Variants in GMPS observed in about 807,000 individuals in gnomAD.
GMPS encodes the protein guanosine monophosphate synthase.
A neutral mutation model predicts 77.9 loss-of-function variants in GMPS; 15 were observed. The ratio of observed to expected loss-of-function variants is 0.19; its 90% CI spans 0.13 to 0.30. GMPS has a LOEUF of 0.30. Ranked by LOEUF, GMPS falls within the 10% of genes least tolerant of loss-of-function variation. GMPS has a pLI of 1.00. For missense variants in GMPS, 590 were observed against 838.8 expected, an observed-to-expected ratio of 0.70 and a Z score of 3.66; for synonymous variants, 224 against 275.9, an observed-to-expected ratio of 0.81 and a Z score of 1.86.
chr3:155,916,666 C>T (rs1028505168), intron 9 of GMPS, among the ~76,000 whole-genome samples: 5 of 152,150 alleles, frequency 3.3e-5, no homozygotes, highest in Non-Finnish European at 7.3e-5. Context: ...ATCCTTTGAT[C>T]AGCTGATGGG....
intron 3 of GMPS, among the ~76,000 whole-genome samples, chr3:155,899,667 T>C (rs908889161): frequency 6.6e-6 from 1 of 152,254 alleles, no homozygotes; most frequent in Admixed American, 6.5e-5. Context: ...TTGTACATTC[T>C]ATTGTTTTGG....
At chr3:155,887,473 T>C (rs1236761533) in intron 1 of GMPS, among the ~76,000 whole-genome samples, 3 of 152,190 alleles carry the variant, frequency 2.0e-5, no homozygotes, top group Non-Finnish European at 4.4e-5. Flanking sequence ...TGTGGGACAT[T>C]CTACAAAAAG....
rs1755187238 is a variant in GMPS, at chr3:155,916,641, TA to T, written c.1212+451del. ...CAGATAATATTCCATCTTATGGGTA[TA>T]ATGCATTGTATTTATCCTTTGATCA... is the stretch of plus-strand genomic sequence containing the variant. On this transcript the variant is annotated intron_variant, in intron 9 of 15. Transcript: ENST00000496455. Among the ~76,000 whole-genome samples the T allele has an allele frequency of 2.0e-5, 3 of 152,348 alleles. No individual in the cohort carries two copies. In the South Asian group the frequency reaches 6.2e-4, roughly 32 times the overall value.
chr3:155,884,059 A>T (rs1398942247), intron 1 of GMPS, among the ~76,000 whole-genome samples: 1 of 150,904 alleles, frequency 6.6e-6, no homozygotes, highest in African/African-American at 2.4e-5. Context: ...TCTTTATTAT[A>T]TTAATAATAT....
intron 1 of GMPS, among the ~76,000 whole-genome samples, chr3:155,881,818 C>A (rs1196551390): frequency 6.6e-6 from 1 of 152,132 alleles, no homozygotes; most frequent in African/African-American, 2.4e-5. Flanking sequence ...GCAATCCCAG[C>A]ACTTTGGGAG....
chr3:155,900,997 C>T (rs1429897117), intron 3 of GMPS, among the ~76,000 whole-genome samples: 1 of 152,096 alleles, frequency 6.6e-6, no homozygotes, highest in African/African-American at 2.4e-5. Flanking sequence ...CAGAGGCTTT[C>T]TAATTGCTTC....
In GMPS at chr3:155,893,597, A is replaced by C; in HGVS notation, c.107A>C (p.Gln36Pro). ...GTTGTCATTCTGGATGCTGGTGCTCAGTACGGGAAAGTCATAGACCGAAGA... is the reference window on the plus strand; with the variant it reads ...GTTGTCATTCTGGATGCTGGTGCTCCGTACGGGAAAGTCATAGACCGAAGA... ...GAVVILDAGA[Q>P]YGKVIDRRVR... Residue 36 changes from glutamine (Q) to proline (P), a missense_variant, in exon 2 of 16, where the codon CAG (glutamine) becomes CCG (proline). This residue lies in a region of GMPS where 47 missense variants were observed against 45.5 expected (regional missense o/e 1.03). Coordinates refer to ENST00000496455, the MANE Select transcript of GMPS (RefSeq NM_003875.3). The C allele has an allele frequency of 6.2e-7, 1 of 1,612,328 alleles. No homozygotes were observed. Among genetic ancestry groups the C allele is most frequent in the Admixed American group, 1.7e-5 (1 of 60,018 alleles).
intron 10 of GMPS, among the ~76,000 whole-genome samples, chr3:155,920,954 A>T (rs1309687960): frequency 6.6e-6 from 1 of 152,186 alleles, no homozygotes; most frequent in Non-Finnish European, 1.5e-5. Flanking sequence ...TATTTGGTAA[A>T]ATAGAGGTTG....
chr3:155,870,531 C>T, upstream of GMPS: 1 of 252,924 alleles, frequency 4.0e-6, no homozygotes, highest in Non-Finnish European at 7.6e-6. Context: ...CGAGCCCCTC[C>T]TCTCGAGGGC....
chr3:155,943,093 T>C lies in GMPS; in HGVS notation c.*5401T>C, dbSNP rs1755931265. 5.7e-6 allele frequency: 1 copy of C among 175,432 alleles called. No homozygotes were observed. The highest frequency in any genetic ancestry group is 1.2e-5 in the Non-Finnish European group (1 of 81,556). 10.9% of individuals were successfully genotyped at this position (175,432 alleles called of 1,614,324 possible). On this transcript the variant is annotated 3_prime_UTR_variant, in exon 16 of 16. Transcript: ENST00000496455. The stretch of plus-strand genomic sequence containing the variant: ...TAAAAATGTAAAAATTAGCTGGGCT[T>C]GGTGGCGCGCGCCTGTAATCCCAGC...
intron 9 of GMPS, among the ~76,000 whole-genome samples, chr3:155,917,033 C>T (rs1285446250): frequency 1.3e-5 from 2 of 150,572 alleles, no homozygotes; most frequent in Non-Finnish European, 2.9e-5. Context: ...GGAGAGCAGT[C>T]ATGCGACCTC....
At chr3:155,925,789 T>C (rs1241840167) in intron 12 of GMPS, among the ~76,000 whole-genome samples, 2 of 152,130 alleles carry the variant, frequency 1.3e-5, no homozygotes, top group Admixed American at 1.3e-4. Flanking sequence ...TGAAATATAC[T>C]GTGGTTTTAG....
intron 1 of GMPS, among the ~76,000 whole-genome samples, chr3:155,879,256 T>C (rs961173504): frequency 4.7e-5 from 7 of 150,028 alleles, no homozygotes; most frequent in Non-Finnish European, 1.0e-4. Context: ...CATCCTTTTC[T>C]GCACTTGTCT....
rs58365650 is a variant in GMPS, at chr3:155,873,638, C to CTTTTTTTTTTTTTTTTTTTTT, written c.27+2755_27+2756insTTTTTTTTTTTTTTTTTTTTT. On this transcript the variant is annotated intron_variant, in intron 1 of 15. Transcript: ENST00000496455. ...TGTCGTTAGGTTACATGAGTAAGTT[C>CTTTTTTTTTTTTTTTTTTTTT]TTTTTTTTTTTTTTGAGATGGAGTC... Among the ~76,000 whole-genome samples, 10 of 82,548 alleles carry CTTTTTTTTTTTTTTTTTTTTT rather than the reference C, an allele frequency of 1.2e-4. 3 individuals carry two copies. Among genetic ancestry groups the CTTTTTTTTTTTTTTTTTTTTT allele is most frequent in the Admixed American group, 3.7e-4 (2 of 5,418 alleles). The allele number at this position is 82,548 out of a possible 152,430, so 54.2% of individuals were successfully genotyped here.
At chr3:155,897,877 T>C in intron 2 of GMPS, 50 bp from the exon 3 acceptor site, 1 of 918,246 alleles carries the variant, frequency 1.1e-6, no homozygotes, top group Non-Finnish European at 1.8e-6. Context: ...GGCATAGACC[T>C]TGTATAAAAA....
chr3:155,925,288 T>G lies in GMPS; in HGVS notation c.1482T>G (p.Asp494Glu), dbSNP rs1450256453. Residue 494 changes from aspartate (D) to glutamate (E), a missense_variant, in exon 12 of 16, where the codon GAT becomes GAG. Coordinates refer to ENST00000496455, the MANE Select transcript of GMPS (RefSeq NM_003875.3). The stretch of plus-strand genomic sequence containing the variant: ...TCAAAGCCTGCACAACAGAAGAGGA[T>G]CAGGAGAAGCTGATGCAAATTACCA... ...QRVKACTTEEDQEKLMQITSL... is the reference protein window; with the variant it reads ...QRVKACTTEEEQEKLMQITSL... 3 of 1,612,582 alleles carry G rather than the reference T, an allele frequency of 1.9e-6. No individual in the cohort carries two copies. The highest frequency in any genetic ancestry group is 2.5e-6 in the Non-Finnish European group (3 of 1,178,624).
chr3:155,870,948 C>G, intron 1 of GMPS, 51 bp downstream of exon 1: 1 of 1,408,758 alleles, frequency 7.1e-7, no homozygotes. Context: ...GCGAGGCTCC[C>G]GGACCGGGGA....
chr3:155,900,422 T>G (rs1754709402), intron 3 of GMPS, among the ~76,000 whole-genome samples: 1 of 152,094 alleles, frequency 6.6e-6, no homozygotes, highest in African/African-American at 2.4e-5. Context: ...TTTATTGATT[T>G]TCTTTGTCAG....
Position 155,906,099 on chromosome 3 carries a change from A to T in GMPS, c.423-61A>T, listed in dbSNP as rs1754874690. 4.1e-6 allele frequency: 4 copies of T among 983,598 alleles called. No individual in the cohort carries two copies. In the Admixed American group the frequency reaches 7.4e-5, roughly 18 times the overall value. 60.9% of individuals were successfully genotyped at this position (983,598 alleles called of 1,614,324 possible). ...GGCAAGCTTGTGTTTCTAAAACAAA[A>T]GAACCCATGAATCATGTTTTTAATT... On this transcript the variant is annotated intron_variant, in intron 4 of 15. Transcript: ENST00000496455.
Sources: gnomAD v4.1 joint callset for allele counts (sites outside exome capture counted in the v4.1 genomes callset) on GRCh38, gnomAD v4.1.1 for gene constraint, gnomAD v4.1.1 regional missense constraint, MANE v1.5 for transcripts, NCBI Gene and HGNC (gene_info 2026-07-23, HGNC 2026-07-21) for gene names.